CIC: variants seen among roughly 807,000 people sequenced by gnomAD.
The protein encoded by CIC is capicua transcriptional repressor.
CIC carries 18 observed loss-of-function variants against 115.7 expected under a neutral mutation model. That is an observed-to-expected ratio of 0.16 (90% CI 0.11 to 0.23). CIC has a LOEUF of 0.23. Ranked by LOEUF, CIC falls within the 10% of genes least tolerant of loss-of-function variation. The pLI is 1.00. For synonymous variants in CIC, 1,076 were observed against 923.0 expected (o/e 1.17, Z -3.01); for missense variants, 2,000 against 2,159.3 (o/e 0.93, Z 1.46).
chr19:42,288,068 T>A lies in CIC; in HGVS notation c.3658+93T>A. The A allele has an allele frequency of 2.1e-6, 3 of 1,397,352 alleles. No individual in the cohort carries two copies. The South Asian group carries it at 3.7e-5, about 17-fold the overall frequency. The allele number at this position is 1,397,352 out of a possible 1,614,324, so 86.6% of individuals were successfully genotyped here. ...CTTGCTCCTCCCCTGCCCCAGCAGC[T>A]CCTCTCTGCTCTATCGCTTTAATTT... On this transcript the variant is annotated intron_variant, in intron 7 of 20. Coordinates refer to ENST00000681038, the MANE Select transcript of CIC (RefSeq NM_001386298.1).
intron 19 of CIC, 88 bp downstream of exon 19, chr19:42,294,392 G>A: frequency 3.1e-6 from 5 of 1,592,882 alleles, no homozygotes; most frequent in Non-Finnish European, 4.3e-6. Flanking sequence ...GAGAGGTAGG[G>A]TGGGTCCATC....
chr19:42,275,662 T>C (rs2036947083), intron 2 of CIC, among the ~76,000 whole-genome samples: 2 of 152,122 alleles, frequency 1.3e-5, no homozygotes, highest in Admixed American at 6.5e-5. Flanking sequence ...TTCTTTCTTA[T>C]TTGTTTATTT....
chr19:42,284,694 T>A, intron 2 of CIC: 1 of 1,542,624 alleles, frequency 6.5e-7, no homozygotes, highest in African/African-American at 1.4e-5. Context: ...GGGTCCCCCC[T>A]GCGCCGGACC....
In CIC at chr19:42,290,327, C is replaced by T; in HGVS notation, c.4286C>T (p.Pro1429Leu). The T allele has an allele frequency of 1.9e-6, 3 of 1,614,116 alleles. No individual in the cohort carries two copies. The highest frequency in any genetic ancestry group is 2.2e-5 in the East Asian group (1 of 44,868). The change falls in exon 11 of 21, where the codon CCT becomes CTT. Residue 1429 changes from proline (P) to leucine (L), a missense_variant. Transcript: ENST00000681038. ...CCTGAGCCCCCAGGGCCCCCGGATC[C>T]TCCTGTAGCCTTTGGCAAAGGCTAT... ...LDPEPPGPPD[P>L]PVAFGKGYGS... is the part of the protein sequence containing the mutation.
chr19:42,286,691 C>T (rs1165211789), intron 2 of CIC, 80 bp from the exon 3 acceptor site: 14 of 1,590,780 alleles, frequency 8.8e-6, no homozygotes, highest in South Asian at 2.2e-5. Context: ...GGGGCTACCT[C>T]ATCTAGGGTG....
intron 15 of CIC, 42 bp downstream of exon 15, chr19:42,292,901 C>T (rs990691147): frequency 6.2e-7 from 1 of 1,613,940 alleles, no homozygotes; most frequent in Non-Finnish European, 8.5e-7. Flanking sequence ...GTTGGGGGAC[C>T]CAGGGGATGG....
chr19:42,274,636 G>C, intron 2 of CIC, 59 bp downstream of exon 2: 1 of 398,616 alleles, frequency 2.5e-6, no homozygotes, highest in Non-Finnish European at 4.4e-6. Flanking sequence ...CCTCTTGCAA[G>C]CTGAACTCTT....
rs1193498984 is a variant in CIC at position 42,272,772 on chromosome 19, G to C, written c.989G>C (p.Trp330Ser). 4 of 398,728 alleles carry C rather than the reference G, an allele frequency of 1.0e-5. No individual in the cohort carries two copies. The highest frequency in any genetic ancestry group is 1.8e-5 in the Non-Finnish European group (4 of 226,276). 24.7% of individuals were successfully genotyped at this position (398,728 alleles called of 1,614,324 possible). The stretch of plus-strand genomic sequence containing the variant: ...CACCGTGAGCCAGAGGAGGCTGTGT[G>C]GGTGGCCCGCTCCAGCCTACGCCTG... The part of the protein sequence containing the change: ...PLHREPEEAV[W>S]VARSSLRLLR... The change falls in exon 2 of 21, where the codon TGG becomes TCG. Residue 330 changes from tryptophan (W) to serine (S), a missense_variant. Trp to Ser is a radical substitution (Grantham distance 177). Transcript: ENST00000681038.
Position 42,287,962 on chromosome 19 carries a change from T to G in CIC, c.3645T>G (p.Ala1215=), listed in dbSNP as rs2037773539. The stretch of plus-strand genomic sequence containing the variant: ...GGAGCATGTCGGAGACGGGCACTGC[T>G]GCTGCCCCTGGGGGTTAGTCAGCCC... ...RERSMSETGT[A]AAPGVSSELL... is the part of the protein sequence containing the mutation. Residue 1215 remains alanine, a synonymous_variant, in exon 7 of 21, where the codon GCT becomes GCG. Transcript: ENST00000681038. The surrounding 1 kb of genome is among the most constrained non-coding windows in gnomAD (Gnocchi z 8.7). The G allele has an allele frequency of 6.3e-7, 1 of 1,594,716 alleles. No individual in the cohort carries two copies. The highest frequency in any genetic ancestry group is 8.5e-7 in the Non-Finnish European group (1 of 1,171,396).
chr19:42,295,555 CT>C lies in CIC; in HGVS notation c.*370del. On this transcript the variant is annotated 3_prime_UTR_variant, in exon 21 of 21. Transcript: ENST00000681038. The stretch of plus-strand genomic sequence containing the variant: ...TGGAATAGGGGGAGTTCATGCACCC[CT>C]TTTTTCCCCAGAGGGGCTGGACTCA... 1.9e-5 allele frequency: 5 copies of C among 263,284 alleles called. No homozygotes were observed. Among genetic ancestry groups the C allele is most frequent in the South Asian group, 1.1e-4 (1 of 8,894 alleles). 16.3% of individuals were successfully genotyped at this position (263,284 alleles called of 1,614,324 possible). A position where few individuals can be genotyped will look rare whatever the true frequency, so the allele number is the denominator to read the frequency against.
intron 2 of CIC, among the ~76,000 whole-genome samples, chr19:42,275,051 C>T (rs1370503245): frequency 6.6e-6 from 1 of 152,196 alleles, no homozygotes; most frequent in African/African-American, 2.4e-5. Context: ...TCACAACCAC[C>T]CTAACAGGAA....
At chr19:42,282,406 C>T (rs1448095552) in intron 2 of CIC, among the ~76,000 whole-genome samples, 3 of 152,224 alleles carry the variant, frequency 2.0e-5, no homozygotes, top group Admixed American at 1.3e-4. Context: ...GCAACCTTTA[C>T]GTGCCCAAGT....
At position 42,294,868 on chromosome 19, in the gene CIC, C is replaced by T. The variant is rs1025458986; in HGVS notation, c.7231C>T (p.Pro2411Ser). 3 of 1,600,954 alleles carry T rather than the reference C, an allele frequency of 1.9e-6. No individual in the cohort carries two copies. Among genetic ancestry groups the T allele is most frequent in the Admixed American group, 1.7e-5 (1 of 60,028 alleles). ...AFQARYADIF[P>S]SKVCLQLKIR... The stretch of plus-strand genomic sequence containing the variant: ...CCAGGCCCGCTATGCAGACATCTTT[C>T]CCTCCAAGGTTTGTCTGCAGTTGAA... The change falls in exon 21 of 21, where the codon CCC becomes TCC. Residue 2411 changes from proline (P) to serine (S), a missense_variant. By Grantham distance (74) the Pro-to-Ser change is moderately conservative. Around this residue, in one of 8 missense-constraint regions of CIC, gnomAD observed 17 missense variants for 17.8 expected, o/e 0.95. Transcript: ENST00000681038.
rs201902940 is a variant in CIC, at chr19:42,290,563, C to A, written c.4522C>A (p.Arg1508=). Residue 1508 remains arginine (R), a synonymous_variant, in exon 11 of 21, where the codon CGG becomes AGG. Coordinates refer to ENST00000681038, the MANE Select transcript of CIC (RefSeq NM_001386298.1). The part of the protein sequence containing the change: ...RFLPMDPATF[R]RKRPESVGGL... ...CCTCCCAATGGATCCTGCCACCTTC[C>A]GGCGCAAGAGACCCGAAAGTGTGGG... is the stretch of plus-strand genomic sequence containing the variant. The A allele has an allele frequency of 2.2e-5, 36 of 1,613,640 alleles. No homozygotes were observed. The highest frequency in any genetic ancestry group is 3.0e-5 in the Non-Finnish European group (35 of 1,179,924).
At chr19:42,286,979 C>T (rs369281519) in intron 3 of CIC, 27 bp from the exon 4 acceptor site, 2 of 1,608,154 alleles carry the variant, frequency 1.2e-6, no homozygotes, top group East Asian at 2.2e-5. Context: ...GGCCTAGGAG[C>T]CCTCTGATCT....
chr19:42,280,429 T>G lies in CIC; in HGVS notation c.2794+5852T>G, dbSNP rs1302602593. On this transcript the variant is annotated intron_variant, in intron 2 of 20. Transcript: ENST00000681038. The surrounding 1 kb of genome is among the most constrained non-coding windows in gnomAD (Gnocchi z 4.9). ...CAGCCCCCGCTGGCACCTAGGGGTG[T>G]GGGTTCCCGCGCGCCCCTGGGTGCA... 2.6e-5 allele frequency among the ~76,000 whole-genome samples: 4 copies of G among 151,984 alleles called. No individual in the cohort carries two copies. The highest frequency in any genetic ancestry group is 9.7e-5 in the African/African-American group (4 of 41,388).
chr19:42,281,454 G>T (rs921290879), intron 2 of CIC, among the ~76,000 whole-genome samples: 1 of 152,188 alleles, frequency 6.6e-6, no homozygotes, highest in Admixed American at 6.5e-5. Flanking sequence ...GGCACAGTGG[G>T]GGCTGTTTAG....
In CIC at chr19:42,289,910, G is replaced by A. The variant is rs2147243647; in HGVS notation, c.4150G>A (p.Glu1384Lys). The stretch of plus-strand genomic sequence containing the variant: ...GTGCAAGGAGCGGGTGACCGACAGC[G>A]AGAGTGGGGACAGCTCTGGGGAGGA... ...LKCKERVTDS[E>K]SGDSSGEDPE... Residue 1384 changes from glutamate (E) to lysine (K), a missense_variant, in exon 10 of 21, where the codon GAG (glutamate) becomes AAG (lysine). This residue lies in a region of CIC where 1,466 missense variants were observed against 1,390.4 expected (regional missense o/e 1.05). Coordinates refer to ENST00000681038, the MANE Select transcript of CIC (RefSeq NM_001386298.1). 6.2e-7 allele frequency: 1 copy of A among 1,610,210 alleles called. No individual in the cohort carries two copies. The highest frequency in any genetic ancestry group is 1.1e-5 in the South Asian group (1 of 90,098).
chr19:42,295,368 G>C lies in CIC; in HGVS notation c.*177G>C. The stretch of plus-strand genomic sequence containing the variant: ...TCCCTCGAAGCTCCCTCCCGGTGCT[G>C]GGGGGCAGCTGAGGGGCTGCAGGGG... On this transcript the variant is annotated 3_prime_UTR_variant, in exon 21 of 21. Transcript: ENST00000681038. 1.6e-6 allele frequency: 1 copy of C among 616,034 alleles called. No homozygotes were observed. Among genetic ancestry groups the C allele is most frequent in the South Asian group, 2.0e-5 (1 of 49,510 alleles). The allele number at this position is 616,034 out of a possible 1,614,324, so 38.2% of individuals were successfully genotyped here.
Sources: gnomAD v4.1 joint callset for allele counts (sites outside exome capture counted in the v4.1 genomes callset) on GRCh38, gnomAD v4.1.1 for gene constraint, gnomAD v4.1.1 regional missense constraint, Gnocchi (gnomAD v3.1) non-coding constraint, MANE v1.5 for transcripts, NCBI Gene and HGNC (gene_info 2026-07-23, HGNC 2026-07-21) for gene names.